Variants in IL1RAP observed in about 807,000 individuals in gnomAD.
IL1RAP encodes interleukin 1 receptor accessory protein, also known as interleukin-1 receptor accessory protein.
IL1RAP carries 35 observed loss-of-function variants against 60.7 expected under a neutral mutation model. The ratio of observed to expected loss-of-function variants is 0.58; its 90% CI spans 0.44 to 0.76. IL1RAP has a LOEUF of 0.76. Among genes scored for constraint, IL1RAP ranks in the 30% least tolerant of loss-of-function variants. The pLI is 0.00. For missense variants in IL1RAP, 572 were observed against 693.9 expected, an observed-to-expected ratio of 0.82 and a Z score of 1.97; for synonymous variants, 268 against 250.9, an observed-to-expected ratio of 1.07 and a Z score of -0.64.
At position 190,629,509 on chromosome 3, in the gene IL1RAP, C is replaced by A. The variant is rs768409834; in HGVS notation, c.1051+11C>A. On this transcript the variant is annotated intron_variant, in intron 9 of 11. Transcript: ENST00000447382. ...AGGTGAAGCAGAAAGGTAATAGATG[C>A]GGTCAGTGATGAATCTCTCAGCTCC... 1 of 1,601,074 alleles carries A rather than the reference C, an allele frequency of 6.2e-7. No individual in the cohort carries two copies. Among genetic ancestry groups the A allele is most frequent in the Non-Finnish European group, 8.5e-7 (1 of 1,174,664 alleles).
At chr3:190,562,417 G>A (rs1178778610) in intron 2 of IL1RAP, among the ~76,000 whole-genome samples, 1 of 151,702 alleles carries the variant, frequency 6.6e-6, no homozygotes, top group Non-Finnish European at 1.5e-5. Context: ...ACCCTGCCTA[G>A]TGCTAGAATT....
intron 3 of IL1RAP, among the ~76,000 whole-genome samples, chr3:190,567,139 T>C (rs1383370865): frequency 6.6e-6 from 1 of 152,162 alleles, no homozygotes; most frequent in Non-Finnish European, 1.5e-5. Context: ...TCACACGCAG[T>C]GAACTGGCCG....
chr3:190,620,378 T>C lies in IL1RAP; in HGVS notation c.641T>C (p.Val214Ala). Reference sequence around the variant, plus strand: ...AATAATGGAAATTACACATGTGTTGTTACATATCCAGAAAATGGACGTACG... The same window carrying C: ...AATAATGGAAATTACACATGTGTTGCTACATATCCAGAAAATGGACGTACG... ...ISNNGNYTCV[V>A]TYPENGRTFH... Residue 214 changes from valine (V) to alanine (A), a missense_variant, in exon 6 of 12, where the codon GTT becomes GCT. Physicochemically the swap from Val to Ala is moderately conservative, Grantham distance 64 (BLOSUM62 0). Coordinates refer to ENST00000447382, the MANE Select transcript of IL1RAP (RefSeq NM_002182.4). The C allele has an allele frequency of 6.2e-7, 1 of 1,612,898 alleles. No individual in the cohort carries two copies.
intron 7 of IL1RAP, chr3:190,624,483 T>A (rs1732057652): frequency 6.6e-6 from 1 of 152,236 alleles, no homozygotes; most frequent in South Asian, 2.1e-4. Flanking sequence ...ACTGTTTTTC[T>A]TTGGAGTGTG....
At chr3:190,572,058 G>C (rs1726974864) in intron 3 of IL1RAP, among the ~76,000 whole-genome samples, 1 of 151,728 alleles carries the variant, frequency 6.6e-6, no homozygotes, top group Admixed American at 6.6e-5. Flanking sequence ...TTTCAAGGGG[G>C]AGAAATCTTT....
chr3:190,656,167 T>C, downstream of IL1RAP: 1 of 1,537,288 alleles, frequency 6.5e-7, no homozygotes, highest in Non-Finnish European at 8.7e-7. Context: ...AGCTTTGCGG[T>C]TGGCTCTTCC....
intron 2 of IL1RAP, among the ~76,000 whole-genome samples, chr3:190,560,206 A>T (rs77711367): frequency 0.028 from 4,271 of 152,332 alleles, 109 homozygotes; most frequent in Non-Finnish European, 0.042. Context: ...AGTAACTTAG[A>T]GAAAATAAAA....
At chr3:190,618,898 A>T (rs1158901139) in intron 5 of IL1RAP, among the ~76,000 whole-genome samples, 2 of 152,232 alleles carry the variant, frequency 1.3e-5, no homozygotes, top group African/African-American at 4.8e-5. Flanking sequence ...CTTAAAATAC[A>T]CATTTCCTGT....
intron 9 of IL1RAP, chr3:190,644,017 G>C (rs1733836625): frequency 2.5e-6 from 1 of 397,912 alleles, no homozygotes; most frequent in South Asian, 1.0e-4. Context: ...TATTGTCAAA[G>C]ACTATTCAAA....
chr3:190,556,350 CT>C (rs994418995), intron 2 of IL1RAP, 134 bp downstream of exon 2: 91 of 152,088 alleles, frequency 6.0e-4, no homozygotes, highest in African/African-American at 2.1e-3. Context: ...ATAATAAACA[CT>C]AATTGTCATA....
rs551184710 is a variant in IL1RAP, at chr3:190,634,928, G to T, written c.1051+5430G>T. On this transcript the variant is annotated intron_variant, in intron 9 of 11. Coordinates refer to ENST00000447382, the MANE Select transcript of IL1RAP (RefSeq NM_002182.4). ...GACGGGGTTTCACTGTGTTAACCAG[G>T]ATGGTCTCGATCTCCTGACCTTGTG... Among the ~76,000 whole-genome samples the T allele has an allele frequency of 2.0e-5, 3 of 152,222 alleles. No individual in the cohort carries two copies. In the East Asian group the frequency reaches 5.8e-4, roughly 29 times the overall value.
At chr3:190,571,692 T>G (rs974257951) in intron 3 of IL1RAP, among the ~76,000 whole-genome samples, 1 of 152,210 alleles carries the variant, frequency 6.6e-6, no homozygotes, top group Non-Finnish European at 1.5e-5. Context: ...AGTTACCATT[T>G]TTGGAGTGAG....
chr3:190,617,446 A>G (rs1731376635), intron 5 of IL1RAP, among the ~76,000 whole-genome samples: 1 of 152,170 alleles, frequency 6.6e-6, no homozygotes, highest in Non-Finnish European at 1.5e-5. Context: ...CAACCATAGC[A>G]TGGTTGAAAA....
chr3:190,655,558 CGTGTGTGTGTGTGTGTGTGT>C (rs34341875), downstream of IL1RAP, among the ~76,000 whole-genome samples: 41 of 131,078 alleles, frequency 3.1e-4, 1 homozygote, highest in Non-Finnish European at 1.8e-4. Flanking sequence ...AATTGCCCAC[CGTGTGTGTGTGTGTGTGTGT>C]GTGTGTGTGT....
intron 1 of IL1RAP, among the ~76,000 whole-genome samples, chr3:190,539,325 G>A (rs542015003): frequency 2.0e-5 from 3 of 152,240 alleles, no homozygotes; most frequent in African/African-American, 7.2e-5. Flanking sequence ...TCTGAACTTA[G>A]GAAAATAACA....
intron 1 of IL1RAP, among the ~76,000 whole-genome samples, chr3:190,543,012 T>C (rs1724075775): frequency 6.6e-6 from 1 of 151,922 alleles, no homozygotes; most frequent in South Asian, 2.1e-4. Flanking sequence ...TTGGTGTAAT[T>C]CCAGGCTGTT....
intron 5 of IL1RAP, among the ~76,000 whole-genome samples, chr3:190,611,302 G>A (rs151129485): frequency 8.0e-4 from 121 of 152,132 alleles, no homozygotes; most frequent in South Asian, 3.5e-3. Flanking sequence ...AACCTGAGTC[G>A]GATTAAGCCT....
chr3:190,593,045 C>T lies in IL1RAP; in HGVS notation c.65-11083C>T, dbSNP rs529188969. Among the ~76,000 whole-genome samples, 20 of 151,974 alleles carry T rather than the reference C, an allele frequency of 1.3e-4. No individual in the cohort carries two copies. In the South Asian group the frequency reaches 2.3e-3, roughly 17 times the overall value. On this transcript the variant is annotated intron_variant, in intron 3 of 11. Transcript: ENST00000447382. The stretch of plus-strand genomic sequence containing the variant: ...GAGCAAACTCTAATGAAACTGAAAC[C>T]GTGGCTTGTGGATTTCTCCCTCACC...
At chr3:190,613,521 T>C (rs1731002766) in intron 5 of IL1RAP, among the ~76,000 whole-genome samples, 1 of 152,150 alleles carries the variant, frequency 6.6e-6, no homozygotes. Flanking sequence ...CTGGAGATAC[T>C]ATTCATGGGT....
Sources: allele counts gnomAD v4.1 joint callset (sites outside exome capture counted in the v4.1 genomes callset), GRCh38; gene constraint gnomAD v4.1.1; transcripts MANE v1.5; gene names NCBI Gene and HGNC (gene_info 2026-07-23, HGNC 2026-07-21).